Variants in TCF4 observed in about 807,000 individuals in gnomAD.
TCF4 encodes transcription factor 4, also known as SL3-3 enhancer factor 2.
TCF4 carries 3 observed loss-of-function variants against 82.1 expected under a neutral mutation model. The ratio of observed to expected loss-of-function variants is 0.04; its 90% CI spans 0.02 to 0.09. The LOEUF is 0.09. Ranked by LOEUF, TCF4 falls within the 10% of genes least tolerant of loss-of-function variation. TCF4 has a pLI of 1.00. For synonymous variants in TCF4, 276 were observed against 309.6 expected (o/e 0.89, Z 1.14); for missense variants, 518 against 852.7 (o/e 0.61, Z 4.89).
chr18:55,540,611 T>A (rs879347213), intron 3 of TCF4, among the ~76,000 whole-genome samples: 1 of 152,192 alleles, frequency 6.6e-6, no homozygotes, highest in Non-Finnish European at 1.5e-5. Flanking sequence ...TAAGAGAAAT[T>A]CCTGGCATAT....
chr18:55,495,472 T>C lies in TCF4; in HGVS notation c.146-31335A>G, dbSNP rs913233017. On this transcript the variant is annotated intron_variant, in intron 3 of 19. Coordinates refer to ENST00000354452, the MANE Select transcript of TCF4 (RefSeq NM_001083962.2). Reference sequence around the variant, plus strand: ...AAAGTGTCACATAAAATCATTATATTCATTTAATTATGAGAGTTGTTCAGC... The same window carrying C: ...AAAGTGTCACATAAAATCATTATATCCATTTAATTATGAGAGTTGTTCAGC... 9.9e-5 allele frequency among the ~76,000 whole-genome samples: 15 copies of C among 152,184 alleles called. 1 individual carries two copies. Among genetic ancestry groups the C allele is most frequent in the Admixed American group, 8.5e-4 (13 of 15,266 alleles).
intron 8 of TCF4, chr18:55,321,590 C>T: frequency 6.5e-7 from 1 of 1,533,558 alleles, no homozygotes; most frequent in East Asian, 2.4e-5. Flanking sequence ...ACTTTGCAAA[C>T]AATGATCACC....
intron 8 of TCF4, among the ~76,000 whole-genome samples, chr18:55,345,155 G>A (rs1428967992): frequency 3.3e-5 from 5 of 151,964 alleles, no homozygotes; most frequent in African/African-American, 1.2e-4. Flanking sequence ...TGTGCTTTCT[G>A]AAAAATTTTT....
At chr18:55,481,103 CAAAA>C (rs74180501) in intron 3 of TCF4, among the ~76,000 whole-genome samples, 111 of 80,548 alleles carry the variant, frequency 1.4e-3, no homozygotes, top group African/African-American at 4.6e-3. Context: ...GACTCCATCT[CAAAA>C]AAAAAAAAAA....
chr18:55,438,304 C>A (rs2147279940), intron 5 of TCF4, among the ~76,000 whole-genome samples: 1 of 149,184 alleles, frequency 6.7e-6, no homozygotes, highest in South Asian at 2.2e-4. Flanking sequence ...AGTCACTCAG[C>A]CATTGAGGTG....
chr18:55,363,170 T>C (rs2085925348), intron 6 of TCF4, among the ~76,000 whole-genome samples: 2 of 152,104 alleles, frequency 1.3e-5, no homozygotes, highest in African/African-American at 4.8e-5. Flanking sequence ...GTTGAGAATA[T>C]ATACATTTTA....
intron 2 of TCF4, among the ~76,000 whole-genome samples, chr18:55,622,050 A>AAT (rs1306358060): frequency 1.5e-5 from 2 of 136,276 alleles, no homozygotes; most frequent in South Asian, 4.3e-4. Flanking sequence ...CACTATATAT[A>AAT]ATATATATAC....
chr18:55,253,379 G>C (rs1449846809), intron 15 of TCF4, among the ~76,000 whole-genome samples: 3 of 152,146 alleles, frequency 2.0e-5, no homozygotes, highest in African/African-American at 7.2e-5. Flanking sequence ...GAGCCTGTAA[G>C]GGGCAAAATA....
rs1168062652 is a variant in TCF4, at chr18:55,632,801, T to A, written c.196-1413A>T. Among the ~76,000 whole-genome samples the A allele has an allele frequency of 2.6e-5, 4 of 152,250 alleles. No homozygotes were observed. The East Asian group carries it at 5.8e-4, about 22-fold the overall frequency. On this transcript the variant is annotated intron_variant, in intron 1 of 20. Transcript: ENST00000398339. ...ATCACAGAAGGCCAGAGTTGTAGTT[T>A]ATGGATTAAGCTCATTATGCCATTA...
At chr18:55,404,609 C>T (rs1463000131) in intron 5 of TCF4, among the ~76,000 whole-genome samples, 3 of 152,168 alleles carry the variant, frequency 2.0e-5, no homozygotes, top group African/African-American at 7.2e-5. Flanking sequence ...CTGAAGTTTA[C>T]AACCCCCAAG....
intron 3 of TCF4, among the ~76,000 whole-genome samples, chr18:55,487,447 G>C (rs1048658434): frequency 1.3e-5 from 2 of 152,146 alleles, no homozygotes; most frequent in African/African-American, 4.8e-5. Context: ...GCCTGGCTAA[G>C]GGCTCAATGA....
intron 3 of TCF4, among the ~76,000 whole-genome samples, chr18:55,577,213 A>ATATATACATTTATATATTTAT (rs1568443765): frequency 5.6e-5 from 1 of 17,836 alleles, no homozygotes; most frequent in East Asian, 6.2e-4. Flanking sequence ...TATTTATATA[A>ATATATACATTTATATATTTAT]ATGTATATAT....
chr18:55,422,196 T>G, intron 5 of TCF4: 3 of 980,800 alleles, frequency 3.1e-6, no homozygotes, highest in Non-Finnish European at 3.6e-6. Flanking sequence ...TTCGACCTTA[T>G]GGGTAGCACG....
chr18:55,321,306 T>A (rs947423212), intron 8 of TCF4: 1 of 261,002 alleles, frequency 3.8e-6, no homozygotes, highest in Non-Finnish European at 7.5e-6. Context: ...GCTTCTCATA[T>A]CTGCTTTTCC....
At chr18:55,607,867 C>T (rs2097703542) in intron 2 of TCF4, among the ~76,000 whole-genome samples, 1 of 152,206 alleles carries the variant, frequency 6.6e-6, no homozygotes, top group African/African-American at 2.4e-5. Flanking sequence ...GAATGCCACA[C>T]TCAAAGGTGT....
intron 3 of TCF4, among the ~76,000 whole-genome samples, chr18:55,502,653 T>C (rs2096713464): frequency 6.6e-6 from 1 of 152,226 alleles, no homozygotes; most frequent in South Asian, 2.1e-4. Context: ...AACTCTGACT[T>C]TGAAACTGCA....
chr18:55,364,403 T>C (rs192790564), intron 6 of TCF4, among the ~76,000 whole-genome samples: 4 of 152,332 alleles, frequency 2.6e-5, no homozygotes, highest in African/African-American at 9.6e-5. Context: ...GACCTGTTTT[T>C]CTAAAAAGTA....
At chr18:55,335,398 C>T (rs1358187020) in intron 8 of TCF4, among the ~76,000 whole-genome samples, 1 of 152,176 alleles carries the variant, frequency 6.6e-6, no homozygotes, top group Non-Finnish European at 1.5e-5. Flanking sequence ...CAAATAAATG[C>T]TCCTGAGGTA....
intron 6 of TCF4, chr18:55,351,907 T>G (rs2082400831): frequency 1.8e-5 from 15 of 850,022 alleles, no homozygotes; most frequent in Non-Finnish European, 2.1e-5. Flanking sequence ...AAGAACAAAT[T>G]TACTATTTAA....
Sources: gnomAD v4.1 joint callset for allele counts (sites outside exome capture counted in the v4.1 genomes callset) on GRCh38, gnomAD v4.1.1 for gene constraint, MANE v1.5 for transcripts, NCBI Gene and HGNC (gene_info 2026-07-23, HGNC 2026-07-21) for gene names.